Variants in TCF12 observed in about 807,000 individuals in gnomAD.
TCF12 encodes DNA-binding protein HTF4.
In TCF12, 45 loss-of-function variants were observed where a neutral mutation model predicts 86.0. The observed-to-expected ratio is 0.52, with a 90% CI of 0.41 to 0.67. The LOEUF (loss-of-function observed/expected upper bound fraction) is 0.67. Ranked by LOEUF, TCF12 falls within the 30% of genes least tolerant of loss-of-function variation. TCF12 has a pLI of 0.00. For synonymous variants in TCF12, 330 were observed against 299.6 expected (o/e 1.10, Z -1.05); for missense variants, 881 against 859.9 (o/e 1.02, Z -0.31).
intron 3 of TCF12, among the ~76,000 whole-genome samples, chr15:57,001,149 T>C (rs2064011255): frequency 6.6e-6 from 1 of 151,796 alleles, no homozygotes; most frequent in African/African-American, 2.4e-5. Flanking sequence ...GCTGAGTAGC[T>C]GGGATTACAG....
intron 3 of TCF12, among the ~76,000 whole-genome samples, chr15:57,041,537 G>A (rs892973432): frequency 1.1e-4 from 17 of 152,082 alleles, no homozygotes; most frequent in Admixed American, 6.6e-5. Flanking sequence ...GCAGAAGTTA[G>A]ACAAAGAAAC....
chr15:57,007,452 T>C (rs528097467), intron 3 of TCF12, among the ~76,000 whole-genome samples: 2 of 152,326 alleles, frequency 1.3e-5, no homozygotes, highest in South Asian at 2.1e-4. Flanking sequence ...AGAATTTGTT[T>C]AAGAGAATTT....
chr15:57,242,949 A>G (rs1320718678), intron 12 of TCF12, among the ~76,000 whole-genome samples: 1 of 152,232 alleles, frequency 6.6e-6, no homozygotes, highest in African/African-American at 2.4e-5. Flanking sequence ...ACAACACTCA[A>G]TCATTTGGAG....
chr15:57,238,883 T>C (rs1417054134), intron 12 of TCF12, among the ~76,000 whole-genome samples: 3 of 152,152 alleles, frequency 2.0e-5, no homozygotes, highest in African/African-American at 7.2e-5. Flanking sequence ...TTCAGACTAT[T>C]TTCTAAGAGT....
intron 3 of TCF12, among the ~76,000 whole-genome samples, chr15:57,018,641 A>G (rs574588040): frequency 5.7e-4 from 87 of 151,408 alleles, no homozygotes; most frequent in Non-Finnish European, 1.0e-3. Flanking sequence ...ATTTTTTGCC[A>G]TGTTGCCCAG....
At chr15:57,201,249 T>G (rs921959715) in intron 8 of TCF12, among the ~76,000 whole-genome samples, 3 of 151,576 alleles carry the variant, frequency 2.0e-5, no homozygotes, top group Non-Finnish European at 4.4e-5. Flanking sequence ...CCTCACTATC[T>G]TATATGAGAA....
intron 3 of TCF12, among the ~76,000 whole-genome samples, chr15:56,990,484 T>A (rs573493949): frequency 6.6e-6 from 1 of 152,120 alleles, no homozygotes; most frequent in Admixed American, 6.6e-5. Context: ...TGGTTTTTCT[T>A]CGTGGTGCTT....
chr15:57,243,447 T>C, intron 12 of TCF12, 25 bp from the exon 13 acceptor site: 3 of 1,591,818 alleles, frequency 1.9e-6, no homozygotes, highest in South Asian at 1.1e-5. Flanking sequence ...TGTTGATACA[T>C]GTATATTTCT....
chr15:56,977,563 G>GTT (rs752253986), intron 3 of TCF12, among the ~76,000 whole-genome samples: 1 of 149,612 alleles, frequency 6.7e-6, no homozygotes, highest in African/African-American at 2.5e-5. Flanking sequence ...GTGTGTGTGT[G>GTT]TATGTATGTG....
chr15:56,952,154 G>C (rs2061304487), intron 3 of TCF12, among the ~76,000 whole-genome samples: 1 of 148,600 alleles, frequency 6.7e-6, no homozygotes, highest in Non-Finnish European at 1.5e-5. Context: ...AACAAAAATA[G>C]TTTATTGTTT....
intron 3 of TCF12, among the ~76,000 whole-genome samples, chr15:57,040,371 C>A (rs2066816977): frequency 6.6e-6 from 1 of 152,074 alleles, no homozygotes; most frequent in African/African-American, 2.4e-5. Context: ...GATCTTATTC[C>A]ATTTGTCTTC....
chr15:57,123,542 C>G (rs758152096), intron 5 of TCF12, among the ~76,000 whole-genome samples: 16 of 150,608 alleles, frequency 1.1e-4, no homozygotes, highest in Non-Finnish European at 1.8e-4. Context: ...AAGACAGGAT[C>G]TTGCTTTGTT....
intron 5 of TCF12, among the ~76,000 whole-genome samples, chr15:57,142,694 G>T (rs557876797): frequency 6.6e-6 from 1 of 152,176 alleles, no homozygotes; most frequent in South Asian, 2.1e-4. Context: ...AGTGGGAAAA[G>T]GTAACTTTTC....
intron 8 of TCF12, among the ~76,000 whole-genome samples, chr15:57,214,980 TTTAAA>T (rs2058273457): frequency 6.6e-6 from 1 of 152,184 alleles, no homozygotes; most frequent in Non-Finnish European, 1.5e-5. Flanking sequence ...CACTATTAAC[TTTAAA>T]TAATATGCAT....
chr15:57,265,094 ATAGTATAGTATAG>A (rs2060796297), intron 18 of TCF12, among the ~76,000 whole-genome samples: 2 of 145,234 alleles, frequency 1.4e-5, no homozygotes, highest in African/African-American at 5.0e-5. Flanking sequence ...ATAGTATAGT[ATAGTATAGTATAG>A]TATAGTATAG....
At chr15:57,020,982 T>C (rs2065444635) in intron 3 of TCF12, among the ~76,000 whole-genome samples, 1 of 152,194 alleles carries the variant, frequency 6.6e-6, no homozygotes, top group Non-Finnish European at 1.5e-5. Flanking sequence ...CATATCACCT[T>C]TTTTTAGACT....
At chr15:57,168,608 C>G (rs1436732245) in intron 6 of TCF12, among the ~76,000 whole-genome samples, 4 of 152,112 alleles carry the variant, frequency 2.6e-5, no homozygotes, top group Non-Finnish European at 5.9e-5. Flanking sequence ...ATTTCATAGT[C>G]TGAATTTTAG....
chr15:57,177,627 A>AGAGAGAGAGAGAGAGAGAGAGAGAGG (rs1419009407), intron 6 of TCF12, among the ~76,000 whole-genome samples: 2 of 151,698 alleles, frequency 1.3e-5, no homozygotes, highest in Non-Finnish European at 2.9e-5. Flanking sequence ...AGAGAGAGAG[A>AGAGAGAGAGAGAGAGAGAGAGAGAGG]GAGAGAGAGA....
At chr15:57,263,679 G>T (rs2060695873) in intron 18 of TCF12, among the ~76,000 whole-genome samples, 1 of 152,136 alleles carries the variant, frequency 6.6e-6, no homozygotes, top group African/African-American at 2.4e-5. Flanking sequence ...TCTAAGAAAT[G>T]CATTGCTAGG....
Sources: allele counts gnomAD v4.1 joint callset (sites outside exome capture counted in the v4.1 genomes callset), GRCh38; gene constraint gnomAD v4.1.1; transcripts MANE v1.5; gene names NCBI Gene and HGNC (gene_info 2026-07-23, HGNC 2026-07-21).